Variants in TPRG1 observed in about 807,000 individuals in gnomAD.
TPRG1 encodes tumor protein p63 regulated 1.
Under a neutral mutation model 29.3 loss-of-function variants are expected in TPRG1, and 29 were observed. That is an observed-to-expected ratio of 0.99 (90% CI 0.74 to 1.35). The LOEUF is 1.35. TPRG1 is among the 40% of genes most tolerant of loss of function. TPRG1 has a pLI of 0.00. For synonymous variants in TPRG1, 130 were observed against 116.8 expected (o/e 1.11, Z -0.73); for missense variants, 327 against 335.0 (o/e 0.98, Z 0.19).
intron 4 of TPRG1, among the ~76,000 whole-genome samples, chr3:189,239,703 C>T (rs1169253995): frequency 6.6e-6 from 1 of 152,148 alleles, no homozygotes; most frequent in Admixed American, 6.5e-5. Context: ...TGAAATTATT[C>T]TGTAAAGCTC....
intron 1 of TPRG1, among the ~76,000 whole-genome samples, chr3:189,206,434 G>T (rs943343328): frequency 5.3e-5 from 8 of 150,882 alleles, no homozygotes; most frequent in African/African-American, 1.7e-4. Context: ...ATATAAAGTG[G>T]TGTGTTTTTC....
chr3:189,312,254 T>A (rs1265906665), intron 5 of TPRG1, among the ~76,000 whole-genome samples: 1 of 149,608 alleles, frequency 6.7e-6, no homozygotes, highest in African/African-American at 2.5e-5. Context: ...CAGGCTGGAG[T>A]GCAGTGGCAC....
intron 3 of TPRG1, among the ~76,000 whole-genome samples, chr3:189,231,575 T>G (rs1236429341): frequency 6.6e-6 from 1 of 152,140 alleles, no homozygotes; most frequent in Non-Finnish European, 1.5e-5. Flanking sequence ...TCATATCTCT[T>G]TCATCCTAAC....
chr3:189,284,958 G>T (rs1319484931), intron 4 of TPRG1, among the ~76,000 whole-genome samples: 4 of 152,146 alleles, frequency 2.6e-5, no homozygotes, highest in Non-Finnish European at 4.4e-5. Flanking sequence ...TTAAACTAAA[G>T]AGCTTCTGCA....
intron 4 of TPRG1, among the ~76,000 whole-genome samples, chr3:189,281,714 G>A (rs566468614): frequency 6.6e-6 from 1 of 152,074 alleles, no homozygotes; most frequent in South Asian, 2.1e-4. Flanking sequence ...CACAAAGATT[G>A]AGCACTAGTT....
At chr3:189,185,752 T>C (rs977974700) in intron 1 of TPRG1, among the ~76,000 whole-genome samples, 2 of 152,150 alleles carry the variant, frequency 1.3e-5, no homozygotes, top group African/African-American at 4.8e-5. Context: ...TTTTAAACCT[T>C]CTCCTTCCAG....
At chr3:189,110,854 T>C (rs1021958786) in intron 1 of TPRG1, among the ~76,000 whole-genome samples, 3 of 151,872 alleles carry the variant, frequency 2.0e-5, no homozygotes, top group Non-Finnish European at 4.4e-5. Context: ...TGTACCTTTA[T>C]TGAAACTTGG....
intron 3 of TPRG1, among the ~76,000 whole-genome samples, chr3:189,138,707 C>T (rs1724105364): frequency 6.6e-6 from 1 of 152,188 alleles, no homozygotes; most frequent in African/African-American, 2.4e-5. Flanking sequence ...GCAAGGGGTC[C>T]AGGGAATTAG....
At chr3:189,073,967 G>A (rs6804750) in intron 4 of TPRG1, among the ~76,000 whole-genome samples, 24,999 of 151,940 alleles carry the variant, frequency 0.16, 3,853 homozygotes, top group African/African-American at 0.41. Flanking sequence ...CAGTTTAATT[G>A]AAACTGTTGA....
chr3:189,140,615 C>T (rs921954333), intron 3 of TPRG1, among the ~76,000 whole-genome samples: 1 of 152,156 alleles, frequency 6.6e-6, no homozygotes, highest in Admixed American at 6.5e-5. Context: ...TCTAAGGCAG[C>T]CCGTTCTTTT....
intron 4 of TPRG1, among the ~76,000 whole-genome samples, chr3:189,252,014 C>T (rs1446134368): frequency 6.6e-6 from 1 of 152,142 alleles, no homozygotes; most frequent in Non-Finnish European, 1.5e-5. Context: ...CAATACCTGG[C>T]TTTCCTAGGC....
At chr3:189,253,921 A>G (rs770502252) in intron 4 of TPRG1, among the ~76,000 whole-genome samples, 2 of 152,138 alleles carry the variant, frequency 1.3e-5, no homozygotes, top group Non-Finnish European at 2.9e-5. Context: ...GTCTGTTTAC[A>G]TCCTTCACCC....
chr3:189,054,727 C>T (rs1015853106), intron 4 of TPRG1, among the ~76,000 whole-genome samples: 1 of 151,968 alleles, frequency 6.6e-6, no homozygotes. Flanking sequence ...TTATGGTGAG[C>T]TATGATTGCG....
chr3:189,209,558 G>A (rs1444686985), intron 2 of TPRG1, among the ~76,000 whole-genome samples: 1 of 152,104 alleles, frequency 6.6e-6, no homozygotes, highest in Non-Finnish European at 1.5e-5. Context: ...GCAGGCAGGA[G>A]AGGGCTTAAC....
intron 4 of TPRG1, among the ~76,000 whole-genome samples, chr3:189,051,664 T>C (rs1439612109): frequency 6.6e-6 from 1 of 152,140 alleles, no homozygotes; most frequent in African/African-American, 2.4e-5. Context: ...AGAGCAAATC[T>C]GGAGACACCA....
At chr3:189,146,658 G>T (rs1398351315) in intron 3 of TPRG1, among the ~76,000 whole-genome samples, 1 of 152,184 alleles carries the variant, frequency 6.6e-6, no homozygotes, top group African/African-American at 2.4e-5. Context: ...CTTGAGGGCA[G>T]AGACCATGTT....
intron 4 of TPRG1, among the ~76,000 whole-genome samples, chr3:189,302,573 A>G (rs1721006739): frequency 6.6e-6 from 1 of 152,244 alleles, no homozygotes; most frequent in Admixed American, 6.5e-5. Context: ...ATCAGTGGAA[A>G]GAAAGTTATC....
intron 5 of TPRG1, among the ~76,000 whole-genome samples, chr3:189,151,475 T>G (rs555073008): frequency 1.3e-5 from 2 of 152,196 alleles, no homozygotes; most frequent in South Asian, 4.2e-4. Flanking sequence ...TACTTTGTGC[T>G]TAATTACTGA....
chr3:189,322,594 A>G lies in TPRG1; in HGVS notation c.*1774A>G, dbSNP rs1407819917. On this transcript the variant is annotated 3_prime_UTR_variant, in exon 6 of 6. Coordinates refer to ENST00000345063, the MANE Select transcript of TPRG1 (RefSeq NM_198485.4). ...CAGGCATAATTGGCAAATTATTATA[A>G]TACTGCTGCCCGAAAATCCCCATTT... 6.6e-6 allele frequency: 1 copy of G among 152,550 alleles called. No homozygotes were observed. Among genetic ancestry groups the G allele is most frequent in the Admixed American group, 6.6e-5 (1 of 15,250 alleles). 9.4% of individuals were successfully genotyped at this position (152,550 alleles called of 1,614,324 possible). A position where few individuals can be genotyped will look rare whatever the true frequency, so the allele number is the denominator to read the frequency against.
Sources: allele counts gnomAD v4.1 joint callset (sites outside exome capture counted in the v4.1 genomes callset), GRCh38; gene constraint gnomAD v4.1.1; transcripts MANE v1.5; gene names NCBI Gene and HGNC (gene_info 2026-07-23, HGNC 2026-07-21).